The following KDM1B variants were observed in gnomAD, a reference collection of about 807,000 sequenced individuals.
KDM1B encodes lysine-specific histone demethylase 2.
KDM1B carries 63 observed loss-of-function variants against 107.4 expected under a neutral mutation model. The observed-to-expected ratio is 0.59, with a 90% CI of 0.48 to 0.72. KDM1B has a LOEUF of 0.72. Ranked by LOEUF, KDM1B falls within the 30% of genes least tolerant of loss-of-function variation. The pLI is 0.00. For missense variants in KDM1B, 749 were observed against 1,020.8 expected (o/e 0.73, Z 3.63); for synonymous variants, 363 against 363.9 (o/e 1.00, Z 0.03).
intron 20 of KDM1B, among the ~76,000 whole-genome samples, chr6:18,215,998 C>G (rs1397027184): frequency 6.6e-6 from 1 of 152,036 alleles, no homozygotes; most frequent in South Asian, 2.1e-4. Context: ...AATAAAGGAG[C>G]AGAAATAGAA....
Position 18,221,902 on chromosome 6 carries a change from T to C in KDM1B, c.2386-7T>C, listed in dbSNP as rs189323670. On this transcript the variant is annotated splice_region_variant and splice_polypyrimidine_tract_variant and intron_variant, in intron 21 of 21. Transcript: ENST00000650836. ...ATGATCTCAAATTATGTAATTATGTTTTACAGGCAACAAACAGGCATTTCC... is the reference window on the plus strand; with the variant it reads ...ATGATCTCAAATTATGTAATTATGTCTTACAGGCAACAAACAGGCATTTCC... 1.2e-5 allele frequency: 19 copies of C among 1,594,614 alleles called. No individual in the cohort carries two copies. The highest frequency in any genetic ancestry group is 1.6e-5 in the Non-Finnish European group (19 of 1,168,796).
At chr6:18,206,290 C>T (rs9477674) in intron 15 of KDM1B, among the ~76,000 whole-genome samples, 20,548 of 151,714 alleles carry the variant, frequency 0.14, 1,452 homozygotes, top group African/African-American at 0.19. Context: ...CCAAGACAGG[C>T]GGATTGTTTG....
Position 18,214,216 on chromosome 6 carries a change from C to T in KDM1B, c.2109+435C>T, listed in dbSNP as rs1377593712. Among the ~76,000 whole-genome samples the T allele has an allele frequency of 6.6e-6, 1 of 152,176 alleles. No homozygotes were observed. The highest frequency in any genetic ancestry group is 2.4e-5 in the African/African-American group (1 of 41,528). On this transcript the variant is annotated intron_variant, in intron 19 of 21. Coordinates refer to ENST00000650836, the MANE Select transcript of KDM1B (RefSeq NM_001364614.2). This position sits in a 1 kb window ranked among gnomAD's most constrained non-coding sequence, Gnocchi z 4.4. ...GGAAGGAGAGAGGAGAATGGCATAC[C>T]CAGAGCTGGACGGGGGTGGTCACTT... is the stretch of plus-strand genomic sequence containing the variant.
chr6:18,219,751 C>G (rs1789533681), intron 21 of KDM1B, among the ~76,000 whole-genome samples: 1 of 152,202 alleles, frequency 6.6e-6, no homozygotes, highest in Non-Finnish European at 1.5e-5. Flanking sequence ...TTTGTGAAAG[C>G]TCCAGCAAGC....
rs536976507 is a variant in KDM1B at position 18,179,050 on chromosome 6, A to G, written c.535-6722A>G. Among the ~76,000 whole-genome samples, 19 of 152,340 alleles carry G rather than the reference A, an allele frequency of 1.2e-4. No individual in the cohort carries two copies. In the South Asian group the frequency reaches 1.7e-3, roughly 13 times the overall value. On this transcript the variant is annotated intron_variant, in intron 7 of 21. Transcript: ENST00000650836. ...TACAGTGTTGGCTATAGCTCTTTGT[A>G]GACATTCTTTATGAGATGGAGCAGT...
chr6:18,182,367 C>T (rs1271847941), intron 7 of KDM1B, among the ~76,000 whole-genome samples: 2 of 151,920 alleles, frequency 1.3e-5, no homozygotes, highest in South Asian at 2.1e-4. Flanking sequence ...TGGTTTTCAG[C>T]GTGGTATGCT....
Position 18,202,140 on chromosome 6 carries a change from C to A in KDM1B, c.1531+483C>A, listed in dbSNP as rs529175606. Among the ~76,000 whole-genome samples, 52 of 152,112 alleles carry A rather than the reference C, an allele frequency of 3.4e-4. 1 individual carries two copies. The South Asian group carries it at 8.9e-3, about 26-fold the overall frequency. On this transcript the variant is annotated intron_variant, in intron 14 of 21. Transcript: ENST00000650836. ...AACCCATTAGGCACAGTGGCTCACA[C>A]CTGTAATCCGAACATTTGGGAGGTC...
chr6:18,223,456 T>C lies in KDM1B; in HGVS notation c.*1464T>C, dbSNP rs1789945213. ...GTTATTTGTTGAGACTCATTGGTACTGACTGGCAAGTATTCTGCTTTAAAG... is the reference window on the plus strand; with the variant it reads ...GTTATTTGTTGAGACTCATTGGTACCGACTGGCAAGTATTCTGCTTTAAAG... On this transcript the variant is annotated 3_prime_UTR_variant, in exon 22 of 22. Coordinates refer to ENST00000650836, the MANE Select transcript of KDM1B (RefSeq NM_001364614.2). 1 of 151,720 alleles carries C rather than the reference T, an allele frequency of 6.6e-6. No homozygotes were observed. Among genetic ancestry groups the C allele is most frequent in the Non-Finnish European group, 1.5e-5 (1 of 67,972 alleles). 9.4% of individuals were successfully genotyped at this position (151,720 alleles called of 1,614,324 possible). A position where few individuals can be genotyped will look rare whatever the true frequency, so the allele number is the denominator to read the frequency against.
At chr6:18,206,729 C>T (rs1788400620) in intron 15 of KDM1B, among the ~76,000 whole-genome samples, 1 of 152,112 alleles carries the variant, frequency 6.6e-6, no homozygotes, top group Non-Finnish European at 1.5e-5. Flanking sequence ...CAGGACTTGT[C>T]TCTTTACCGT....
At position 18,159,720 on chromosome 6, in the gene KDM1B, C is replaced by T. The variant is rs1784846027; in HGVS notation, c.-13-163C>T. Among the ~76,000 whole-genome samples, 1 of 152,108 alleles carries T rather than the reference C, an allele frequency of 6.6e-6. No homozygotes were observed. Among genetic ancestry groups the T allele is most frequent in the South Asian group, 2.1e-4 (1 of 4,834 alleles). ...CCCAGGAGTTCCAGGCTAGCCTGGG[C>T]AACATGGCAAGAATGTCTCAAAAGA... On this transcript the variant is annotated intron_variant, in intron 2 of 21. Coordinates refer to ENST00000650836, the MANE Select transcript of KDM1B (RefSeq NM_001364614.2). This position sits in a 1 kb window ranked among gnomAD's most constrained non-coding sequence, Gnocchi z 4.5.
chr6:18,163,833 C>T (rs1785118747), intron 5 of KDM1B, among the ~76,000 whole-genome samples: 1 of 152,086 alleles, frequency 6.6e-6, no homozygotes, highest in South Asian at 2.1e-4. Context: ...TGCTTTATGG[C>T]CCGTAATGTA....
chr6:18,205,049 AT>A lies in KDM1B; in HGVS notation c.1532-486del, dbSNP rs1251201454. Reference sequence around the variant, plus strand: ...ACAAGATACAAGCCCATAATGGAATATTCTTGTTTGGGACAGACTGTAGCCA... The same window carrying A: ...ACAAGATACAAGCCCATAATGGAATATCTTGTTTGGGACAGACTGTAGCCA... On this transcript the variant is annotated intron_variant, in intron 14 of 21. Coordinates refer to ENST00000650836, the MANE Select transcript of KDM1B (RefSeq NM_001364614.2). This position sits in a 1 kb window ranked among gnomAD's most constrained non-coding sequence, Gnocchi z 5.7. Among the ~76,000 whole-genome samples, 3 of 152,192 alleles carry A rather than the reference AT, an allele frequency of 2.0e-5. No individual in the cohort carries two copies. The highest frequency in any genetic ancestry group is 7.2e-5 in the African/African-American group (3 of 41,446).
At chr6:18,171,881 C>G (rs973899172) in intron 7 of KDM1B, among the ~76,000 whole-genome samples, 2 of 152,194 alleles carry the variant, frequency 1.3e-5, no homozygotes, top group Non-Finnish European at 2.9e-5. Flanking sequence ...GAGCCTGTCC[C>G]TCTTTTCCTG....
rs937773500 is a variant in KDM1B, at chr6:18,212,731, T to G, written c.1983+127T>G. ...TAAAACTCAAGGATTTCCTTTTCAT[T>G]TGAGTAATTGTTCGTGAAGAACACA... On this transcript the variant is annotated intron_variant, in intron 18 of 21. Coordinates refer to ENST00000650836, the MANE Select transcript of KDM1B (RefSeq NM_001364614.2). The surrounding 1 kb of genome is among the most constrained non-coding windows in gnomAD (Gnocchi z 5.2). 2.8e-6 allele frequency: 2 copies of G among 708,344 alleles called. No individual in the cohort carries two copies. The highest frequency in any genetic ancestry group is 5.0e-6 in the Non-Finnish European group (2 of 396,888). 43.9% of individuals were successfully genotyped at this position (708,344 alleles called of 1,614,324 possible). A position where few individuals can be genotyped will look rare whatever the true frequency, so the allele number is the denominator to read the frequency against.
Position 18,217,378 on chromosome 6 carries a change from CTTTT to C in KDM1B, c.2233-340_2233-337del, listed in dbSNP as rs11343407. Among the ~76,000 whole-genome samples, 27 of 126,980 alleles carry C rather than the reference CTTTT, an allele frequency of 2.1e-4. 1 individual carries two copies. The South Asian group carries it at 2.1e-3, about 10-fold the overall frequency. 83.3% of individuals were successfully genotyped at this position (126,980 alleles called of 152,430 possible). A position where few individuals can be genotyped will look rare whatever the true frequency, so the allele number is the denominator to read the frequency against. Reference sequence around the variant, plus strand: ...GGGTTGTACCATGTCTATCTCCCTTCTTTTTTTTTTTTTTTTTTGAGATGGAGTC... The same window carrying C: ...GGGTTGTACCATGTCTATCTCCCTTCTTTTTTTTTTTTTTGAGATGGAGTC... On this transcript the variant is annotated intron_variant, in intron 20 of 21. Transcript: ENST00000650836.
rs778753996 is a variant in KDM1B at position 18,211,005 on chromosome 6, A to T, written c.1867-1483A>T. On this transcript the variant is annotated intron_variant, in intron 17 of 21. Coordinates refer to ENST00000650836, the MANE Select transcript of KDM1B (RefSeq NM_001364614.2). The surrounding 1 kb of genome is among the most constrained non-coding windows in gnomAD (Gnocchi z 5.2). The stretch of plus-strand genomic sequence containing the variant: ...ACAGAGCAAGACCCTGTCTCTTTAA[A>T]GGGGAAAAAAATCTAGATTTTATTT... 2.0e-5 allele frequency among the ~76,000 whole-genome samples: 3 copies of T among 152,166 alleles called. No homozygotes were observed. Among genetic ancestry groups the T allele is most frequent in the Non-Finnish European group, 4.4e-5 (3 of 68,034 alleles).
rs1785288486 is a variant in KDM1B at position 18,166,297 on chromosome 6, A to G, written c.336A>G (p.Thr112=). The G allele has an allele frequency of 1.9e-6, 3 of 1,608,492 alleles. No homozygotes were observed. The highest frequency in any genetic ancestry group is 2.2e-5 in the East Asian group (1 of 44,872). Residue 112 remains threonine (T), a synonymous_variant, in exon 6 of 22, where the codon ACA becomes ACG. Transcript: ENST00000650836. ...AGGATGGATATGACAAATATACTACATGGAAAAAAATATGGACTAGCAATG... is the reference window on the plus strand; with the variant it reads ...AGGATGGATATGACAAATATACTACGTGGAAAAAAATATGGACTAGCAATG... The part of the protein sequence containing the change: ...SHKDGYDKYT[T]WKKIWTSNGK...
chr6:18,189,010 C>G (rs952595191), intron 9 of KDM1B, among the ~76,000 whole-genome samples: 3 of 152,014 alleles, frequency 2.0e-5, no homozygotes, highest in African/African-American at 4.8e-5. Context: ...TCTCGAACTT[C>G]TGACCTCAAG....
intron 9 of KDM1B, among the ~76,000 whole-genome samples, chr6:18,188,887 G>A (rs1328676459): frequency 6.6e-6 from 1 of 151,388 alleles, no homozygotes; most frequent in African/African-American, 2.4e-5. Context: ...AGGTTCAAGC[G>A]ATTCTCCTGC....
Sources: allele counts gnomAD v4.1 joint callset (sites outside exome capture counted in the v4.1 genomes callset), GRCh38; gene constraint gnomAD v4.1.1; non-coding constraint Gnocchi (gnomAD v3.1); transcripts MANE v1.5; gene names NCBI Gene and HGNC (gene_info 2026-07-23, HGNC 2026-07-21).